The following METTL25 variants were observed in gnomAD, a reference collection of about 807,000 sequenced individuals.
METTL25 encodes the protein probable methyltransferase-like protein 25.
In METTL25, 64 loss-of-function variants were observed where a neutral mutation model predicts 71.6. That is an observed-to-expected ratio of 0.89 (90% CI 0.73 to 1.10). The LOEUF is 1.10. Among genes scored for constraint, METTL25 ranks in the 50% least tolerant of loss-of-function variants. The probability of loss-of-function intolerance (pLI) is 0.00; values close to 1 mark genes in which losing one functional copy is unlikely to be tolerated. For missense variants in METTL25, 807 were observed against 707.0 expected (o/e 1.14, Z -1.60); for synonymous variants, 287 against 250.3 (o/e 1.15, Z -1.38).
chr12:82,476,287 G>C (rs1465760549), intron 9 of METTL25: 1 of 171,510 alleles, frequency 5.8e-6, no homozygotes, highest in Admixed American at 6.4e-5. Context: ...TCTTGTTTTA[G>C]ATACAGTGTT....
chr12:82,413,977 A>G (rs1023204680), intron 5 of METTL25, among the ~76,000 whole-genome samples: 1 of 151,420 alleles, frequency 6.6e-6, no homozygotes, highest in Non-Finnish European at 1.5e-5. Flanking sequence ...TAAAAAATTT[A>G]TAACAAATGT....
intron 9 of METTL25, among the ~76,000 whole-genome samples, chr12:82,459,346 A>C (rs1375288404): frequency 6.6e-6 from 1 of 152,232 alleles, no homozygotes. Context: ...CTGTCACGGT[A>C]GCCAGCCATG....
At chr12:82,389,779 A>T (rs746695529) in intron 2 of METTL25, 37 bp from the exon 3 acceptor site, 5 of 1,217,110 alleles carry the variant, frequency 4.1e-6, no homozygotes, top group Non-Finnish European at 6.0e-6. Flanking sequence ...CTAAATTTTG[A>T]TTCTTTAATA....
At chr12:82,374,384 C>CTGATTGGTCCATTTTACAGAGT (rs1883589500) in intron 1 of METTL25, 1 of 152,242 alleles carries the variant, frequency 6.6e-6, no homozygotes, top group South Asian at 2.1e-4. Flanking sequence ...TTTTACAGAG[C>CTGATTGGTCCATTTTACAGAGT]ACTGATTGGT....
Position 82,430,935 on chromosome 12 carries a change from T to TA in METTL25, c.1325dup (p.Glu443GlyfsTer9). 6.2e-7 allele frequency: 1 copy of TA among 1,603,206 alleles called. No homozygotes were observed. Among genetic ancestry groups the TA allele is most frequent in the Non-Finnish European group, 8.5e-7 (1 of 1,173,582 alleles). On this transcript the variant is annotated frameshift_variant, in exon 6 of 12. Transcript: ENST00000248306. LOFTEE classifies it high-confidence loss of function. ...TGGGGATTTCCAATGTGCCACTATT[T>TA]AAAGGAAGAGAGATGGTGCTGTGGT...
chr12:82,476,493 G>T (rs1892887201), intron 9 of METTL25, 151 bp from the exon 10 acceptor site: 2 of 593,404 alleles, frequency 3.4e-6, no homozygotes, highest in Non-Finnish European at 3.0e-6. Context: ...GAGTTATCTT[G>T]ACTTGCTTCA....
At chr12:82,413,178 C>T (rs1314832507) in intron 5 of METTL25, among the ~76,000 whole-genome samples, 1 of 151,678 alleles carries the variant, frequency 6.6e-6, no homozygotes, top group Non-Finnish European at 1.5e-5. Context: ...TAATTTAAAC[C>T]ATGAAACTAA....
chr12:82,416,616 T>TTTTTG (rs200482325), intron 5 of METTL25, among the ~76,000 whole-genome samples: 9,737 of 151,412 alleles, frequency 0.064, 389 homozygotes, highest in Middle Eastern at 0.1. Flanking sequence ...AATTTTTGCT[T>TTTTTG]TTTTGTTTTG....
chr12:82,456,399 C>T (rs929173688), intron 8 of METTL25, among the ~76,000 whole-genome samples: 3 of 151,884 alleles, frequency 2.0e-5, no homozygotes, highest in African/African-American at 7.2e-5. Flanking sequence ...AATATTGAGC[C>T]AGTAAATCTC....
intron 5 of METTL25, among the ~76,000 whole-genome samples, chr12:82,413,194 A>G (rs1887688819): frequency 6.6e-6 from 1 of 151,988 alleles, no homozygotes; most frequent in African/African-American, 2.4e-5. Context: ...ACTAAAATGA[A>G]GACTTTGAAA....
rs1891527671 is a variant in METTL25, at chr12:82,456,834, G to A, written c.1572+14G>A. On this transcript the variant is annotated intron_variant, in intron 9 of 11. Coordinates refer to ENST00000248306, the MANE Select transcript of METTL25 (RefSeq NM_032230.3). The stretch of plus-strand genomic sequence containing the variant: ...GATGAGTCCAAGGTCAGTATATGAT[G>A]ACTCATTATTTTCAGAAAAGACAGA... 8 of 1,246,308 alleles carry A rather than the reference G, an allele frequency of 6.4e-6. No individual in the cohort carries two copies. Among genetic ancestry groups the A allele is most frequent in the Non-Finnish European group, 8.8e-6 (8 of 907,020 alleles). 77.2% of individuals were successfully genotyped at this position (1,246,308 alleles called of 1,614,324 possible). A position where few individuals can be genotyped will look rare whatever the true frequency, so the allele number is the denominator to read the frequency against.
intron 3 of METTL25, among the ~76,000 whole-genome samples, chr12:82,393,678 G>A (rs998556110): frequency 6.7e-6 from 1 of 149,036 alleles, no homozygotes; most frequent in Non-Finnish European, 1.5e-5. Context: ...TGGTGAAAGT[G>A]GGCATTCTTG....
chr12:82,422,365 T>C (rs1262884838), intron 5 of METTL25, among the ~76,000 whole-genome samples: 3 of 152,122 alleles, frequency 2.0e-5, no homozygotes, highest in Non-Finnish European at 4.4e-5. Context: ...TGCTAAAAAC[T>C]CTCAATAAAT....
chr12:82,445,479 C>G (rs901921742), intron 8 of METTL25, among the ~76,000 whole-genome samples: 2 of 152,004 alleles, frequency 1.3e-5, no homozygotes, highest in African/African-American at 4.8e-5. Context: ...TCAAGTGTTG[C>G]GAGTATTCGT....
intron 1 of METTL25, among the ~76,000 whole-genome samples, chr12:82,373,868 A>G (rs1318451872): frequency 6.6e-6 from 1 of 152,292 alleles, no homozygotes; most frequent in Non-Finnish European, 1.5e-5. Flanking sequence ...AGGTCATGCT[A>G]GTCGCTTTTA....
chr12:82,477,499 A>T (rs1892944693), intron 11 of METTL25, 147 bp downstream of exon 11: 2 of 449,102 alleles, frequency 4.5e-6, no homozygotes, highest in Admixed American at 3.9e-5. Context: ...TGTTCATTCC[A>T]TCCCTTTTTA....
chr12:82,363,072 C>G (rs1390323781), intron 1 of METTL25, among the ~76,000 whole-genome samples: 1 of 152,084 alleles, frequency 6.6e-6, no homozygotes, highest in African/African-American at 2.4e-5. Flanking sequence ...ATTCAGAGAT[C>G]GGAGCAGGTG....
intron 5 of METTL25, among the ~76,000 whole-genome samples, chr12:82,422,481 G>A (rs1452939068): frequency 6.6e-6 from 1 of 152,106 alleles, no homozygotes; most frequent in African/African-American, 2.4e-5. Context: ...TTTGAAAACT[G>A]GCACAAGACA....
chr12:82,467,676 T>C (rs1892321715), intron 9 of METTL25, among the ~76,000 whole-genome samples: 1 of 152,106 alleles, frequency 6.6e-6, no homozygotes. Context: ...GATTCCCTTA[T>C]ATGTGGCTTG....
Sources: allele counts gnomAD v4.1 joint callset (sites outside exome capture counted in the v4.1 genomes callset), GRCh38; gene constraint gnomAD v4.1.1; transcripts MANE v1.5; gene names NCBI Gene and HGNC (gene_info 2026-07-23, HGNC 2026-07-21).